COL3A1: variants seen among roughly 807,000 people sequenced by gnomAD.
COL3A1 encodes collagen alpha-1(III) chain.
In COL3A1, 46 loss-of-function variants were observed where a neutral mutation model predicts 200.9. The observed-to-expected ratio is 0.23, with a 90% CI of 0.18 to 0.29. The LOEUF is 0.29. COL3A1 is among the 10% of genes least tolerant of loss of function. COL3A1 has a pLI of 1.00. For missense variants in COL3A1, 1,367 were observed against 1,917.6 expected, an observed-to-expected ratio of 0.71 and a Z score of 5.36; for synonymous variants, 650 against 628.0, an observed-to-expected ratio of 1.03 and a Z score of -0.52.
chr2:188,977,772 T>TA (rs920703374), intron 1 of COL3A1, among the ~76,000 whole-genome samples: 2 of 152,030 alleles, frequency 1.3e-5, no homozygotes, highest in Non-Finnish European at 2.9e-5. Flanking sequence ...AAGGAGATAC[T>TA]AAAAAAATTA....
intron 41 of COL3A1, among the ~76,000 whole-genome samples, chr2:189,005,863 A>G (rs1688574495): frequency 6.6e-6 from 1 of 152,198 alleles, no homozygotes; most frequent in Non-Finnish European, 1.5e-5. Flanking sequence ...ATGTTTTAAT[A>G]TATGTATACA....
chr2:188,974,594 C>A, intron 1 of COL3A1, 26 bp downstream of exon 1: 1 of 1,589,018 alleles, frequency 6.3e-7, no homozygotes, highest in Non-Finnish European at 8.6e-7. Context: ...TTTCAAGAAA[C>A]TTTATGGGAT....
rs1026603456 is a variant in COL3A1, at chr2:188,994,264, C to G, written c.1225C>G (p.Leu409Val). ...CGCTGGCATTCCTGGAGCTCCTGGA[C>G]TGATGGGAGCCCGGGGTCCTCCAGG... is the stretch of plus-strand genomic sequence containing the variant. ...GPAGIPGAPG[L>V]MGARGPPGPA... Residue 409 changes from leucine to valine, a missense_variant, in exon 18 of 51, where the codon CTG (leucine) becomes GTG (valine). Coordinates refer to ENST00000304636, the MANE Select transcript of COL3A1 (RefSeq NM_000090.4). This position sits in a 1 kb window ranked among gnomAD's most constrained non-coding sequence, Gnocchi z 4.5. 4 of 1,614,028 alleles carry G rather than the reference C, an allele frequency of 2.5e-6. No homozygotes were observed. The highest frequency in any genetic ancestry group is 3.4e-6 in the Non-Finnish European group (4 of 1,179,988).
chr2:188,990,512 C>T (rs1688165337), intron 10 of COL3A1, 152 bp downstream of exon 10: 3 of 739,594 alleles, frequency 4.1e-6, no homozygotes, highest in Admixed American at 4.9e-5. Flanking sequence ...GTTTGTTGAC[C>T]AAACTAGTCA....
At chr2:189,003,203 G>C in intron 36 of COL3A1, 141 bp downstream of exon 36, 1 of 820,860 alleles carries the variant, frequency 1.2e-6, no homozygotes, top group East Asian at 2.7e-5. Context: ...AGGTTTATCA[G>C]TAATTTAATA....
chr2:189,005,586 C>T, intron 41 of COL3A1, 129 bp downstream of exon 41: 1 of 764,070 alleles, frequency 1.3e-6, no homozygotes, highest in Non-Finnish European at 2.3e-6. Context: ...TCTCTAATAA[C>T]AGAAATTCTT....
chr2:189,003,520 A>G (rs775880797), intron 37 of COL3A1, 56 bp downstream of exon 37: 23 of 1,542,010 alleles, frequency 1.5e-5, no homozygotes, highest in Non-Finnish European at 2.1e-5. Flanking sequence ...ATCAACCTGT[A>G]TAAAAGCTGC....
In COL3A1 at chr2:188,994,021, GT is replaced by G; in HGVS notation, c.1150-11del. On this transcript the variant is annotated splice_polypyrimidine_tract_variant and intron_variant, in intron 16 of 50. Transcript: ENST00000304636. This position sits in a 1 kb window ranked among gnomAD's most constrained non-coding sequence, Gnocchi z 4.5. ...TTGCATTACTATTAATACATTATCT[GT>G]TTTTTGTATACTTAGGGCCCTCCTG... is the stretch of plus-strand genomic sequence containing the variant. 23 of 1,612,216 alleles carry G rather than the reference GT, an allele frequency of 1.4e-5. No individual in the cohort carries two copies. Among genetic ancestry groups the G allele is most frequent in the Non-Finnish European group, 2.0e-5 (23 of 1,178,468 alleles).
chr2:189,011,566 A>C lies in COL3A1; in HGVS notation c.4255-62A>C, dbSNP rs41265553. On this transcript the variant is annotated intron_variant, in intron 50 of 50. Transcript: ENST00000304636. Reference sequence around the variant, plus strand: ...GTAAAAAGGTTTTCTTTAACTTGTTAAGTCAGAGTTGTCTAAGTAATTGTA... The same window carrying C: ...GTAAAAAGGTTTTCTTTAACTTGTTCAGTCAGAGTTGTCTAAGTAATTGTA... 1.6e-5 allele frequency: 25 copies of C among 1,600,482 alleles called. No individual in the cohort carries two copies. The Admixed American group carries it at 2.0e-4, about 13-fold the overall frequency.
intron 5 of COL3A1, among the ~76,000 whole-genome samples, chr2:188,987,455 GTAT>G (rs1468570924): frequency 1.3e-5 from 2 of 151,688 alleles, no homozygotes; most frequent in East Asian, 3.9e-4. Context: ...TTTACTATCA[GTAT>G]TTAGAAACAG....
rs867793469 is a variant in COL3A1, at chr2:188,993,400, G to T, written c.1090G>T (p.Ala364Ser). Reference sequence around the variant, plus strand: ...TGCAGGGTCTCCTGGTTCAAATGGTGCCCCTGGACAAAGAGGAGAACCTGG... The same window carrying T: ...TGCAGGGTCTCCTGGTTCAAATGGTTCCCCTGGACAAAGAGGAGAACCTGG... ...GPAGSPGSNG[A>S]PGQRGEPGPQ... Residue 364 changes from alanine to serine, a missense_variant, in exon 16 of 51, where the codon GCC becomes TCC. Ala to Ser is a moderately conservative substitution (Grantham distance 99). Coordinates refer to ENST00000304636, the MANE Select transcript of COL3A1 (RefSeq NM_000090.4). 6.4e-7 allele frequency: 1 copy of T among 1,569,978 alleles called. No homozygotes were observed. Among genetic ancestry groups the T allele is most frequent in the Non-Finnish European group, 8.6e-7 (1 of 1,156,218 alleles).
Position 189,008,935 on chromosome 2 carries a change from C to A in COL3A1, c.3537C>A (p.Gly1179=), listed in dbSNP as rs146837092. ...TTTACTCATTCTAGGGCTCCCCAGG[C>A]CACCCAGGGCAACCAGGCCCTCCTG... is the stretch of plus-strand genomic sequence containing the variant. ...RGERGSEGSP[G]HPGQPGPPGP... The change falls in exon 48 of 51, where the codon GGC becomes GGA. Residue 1179 remains glycine, a synonymous_variant. Coordinates refer to ENST00000304636, the MANE Select transcript of COL3A1 (RefSeq NM_000090.4). 7.2e-5 allele frequency: 116 copies of A among 1,613,830 alleles called. No individual in the cohort carries two copies. Among genetic ancestry groups the A allele is most frequent in the Non-Finnish European group, 6.8e-5 (80 of 1,180,002 alleles).
At chr2:188,990,495 T>A in intron 10 of COL3A1, 135 bp downstream of exon 10, 1 of 834,874 alleles carries the variant, frequency 1.2e-6, no homozygotes, top group Non-Finnish European at 2.0e-6. Context: ...TTAAGTCTAC[T>A]AAGTTTGTTT....
At chr2:189,003,515 C>A (rs1344489294) in intron 37 of COL3A1, 51 bp downstream of exon 37, 1 of 1,558,338 alleles carries the variant, frequency 6.4e-7, no homozygotes, top group Non-Finnish European at 8.8e-7. Flanking sequence ...TTGATATCAA[C>A]CTGTATAAAA....
At chr2:188,976,133 A>G (rs1373814441) in intron 1 of COL3A1, among the ~76,000 whole-genome samples, 3 of 151,980 alleles carry the variant, frequency 2.0e-5, no homozygotes, top group Non-Finnish European at 4.4e-5. Context: ...TTTTTAGGAT[A>G]CCAAATGACT....
At chr2:188,990,968 A>G (rs757096902) in intron 10 of COL3A1, 36 bp from the exon 11 acceptor site, 3 of 1,589,456 alleles carry the variant, frequency 1.9e-6, no homozygotes, top group Admixed American at 1.7e-5. Context: ...TTATTAACAG[A>G]TTTTAATAAT....
chr2:189,010,432 C>T, intron 49 of COL3A1, 67 bp downstream of exon 49: 2 of 1,577,242 alleles, frequency 1.3e-6, no homozygotes, highest in Non-Finnish European at 1.7e-6. Flanking sequence ...CCTATATGTT[C>T]ATCACAAAGC....
rs765802289 is a variant in COL3A1 at position 188,996,436 on chromosome 2, G to T, written c.1701G>T (p.Gly567=). The T allele has an allele frequency of 6.2e-7, 1 of 1,613,802 alleles. No homozygotes were observed. Among genetic ancestry groups the T allele is most frequent in the Admixed American group, 1.7e-5 (1 of 59,992 alleles). ...QGESGRPGPP[G]PSGPRGQPGV... is the part of the protein sequence containing the mutation. ...AAAGTGGTCGACCAGGTCCTCCTGG[G>T]CCATCTGGTCCCCGAGGTCAGCCTG... The change falls in exon 24 of 51, where the codon GGG becomes GGT. Residue 567 remains glycine (G), a synonymous_variant. Transcript: ENST00000304636.
chr2:189,005,019 A>T (rs893664386), intron 40 of COL3A1, among the ~76,000 whole-genome samples: 4 of 152,180 alleles, frequency 2.6e-5, no homozygotes, highest in Non-Finnish European at 5.9e-5. Flanking sequence ...AAGGATCACC[A>T]TACACCTCTA....
Sources: gnomAD v4.1 joint callset for allele counts (sites outside exome capture counted in the v4.1 genomes callset) on GRCh38, gnomAD v4.1.1 for gene constraint, Gnocchi (gnomAD v3.1) non-coding constraint, MANE v1.5 for transcripts, NCBI Gene and HGNC (gene_info 2026-07-23, HGNC 2026-07-21) for gene names.